Variants in SFTPA1 observed in about 807,000 individuals in gnomAD.
SFTPA1 encodes the protein pulmonary surfactant-associated protein A1.
In SFTPA1, 13 loss-of-function variants were observed where a neutral mutation model predicts 19.1. That is an observed-to-expected ratio of 0.68 (90% confidence interval 0.44 to 1.08). The LOEUF is 1.08. Ranked by LOEUF, SFTPA1 falls within the 50% of genes least tolerant of loss-of-function variation. The pLI, the probability that SFTPA1 is intolerant of heterozygous loss-of-function variation, is 0.00. For missense variants in SFTPA1, 259 were observed against 316.4 expected (o/e 0.82, Z 1.38); for synonymous variants, 101 against 117.0 (o/e 0.86, Z 0.88).
In SFTPA1 at chr10:79,614,393, T is replaced by C; in HGVS notation, c.*280T>C. The C allele has an allele frequency of 1.8e-6, 1 of 542,786 alleles. No homozygotes were observed. The highest frequency in any genetic ancestry group is 2.1e-5 in the South Asian group (1 of 46,918). 33.6% of individuals were successfully genotyped at this position (542,786 alleles called of 1,614,324 possible). The stretch of plus-strand genomic sequence containing the variant: ...CTTCGACATGAGATGGAGCCCTCCT[T>C]ATTCCCCATCTGGTCCAGTTCCTTC... On this transcript the variant is annotated 3_prime_UTR_variant, in exon 6 of 6. Transcript: ENST00000398636.
At position 79,613,944 on chromosome 10, in the gene SFTPA1, C is replaced by T. The variant is rs1217057329; in HGVS notation, c.578C>T (p.Pro193Leu). 1 of 1,613,978 alleles carries T rather than the reference C, an allele frequency of 6.2e-7. No individual in the cohort carries two copies. Among genetic ancestry groups the T allele is most frequent in the East Asian group, 2.2e-5 (1 of 44,894 alleles). The change falls in exon 6 of 6, where the codon CCC (proline) becomes CTC (leucine). Residue 193 changes from proline (P) to leucine (L), a missense_variant. By Grantham distance (98) the Pro-to-Leu change is moderately conservative. Transcript: ENST00000398636. ...TYAYVGLTEG[P>L]SPGDFRYSDG... ...GCCTATGTAGGCCTGACTGAGGGTC[C>T]CAGCCCTGGAGACTTCCGCTACTCA...
intron 2 of SFTPA1, 41 bp from the exon 3 acceptor site, chr10:79,611,762 G>T: frequency 6.2e-7 from 1 of 1,613,586 alleles, no homozygotes; most frequent in Non-Finnish European, 8.5e-7. Context: ...GGGAGATGTT[G>T]GCAGAGGTGG....
In SFTPA1 at chr10:79,614,992, G is replaced by T. The variant is rs912118720; in HGVS notation, c.*879G>T. ...CACGTGCCAGGTCTTAGGATATGTC[G>T]TGGGGTGGGCAAGGTAATCAGTGAC... On this transcript the variant is annotated 3_prime_UTR_variant, in exon 6 of 6. Transcript: ENST00000398636. 3.1e-6 allele frequency: 4 copies of T among 1,304,730 alleles called. No homozygotes were observed. In the African/African-American group the frequency reaches 6.1e-5, roughly 20 times the overall value. The allele number at this position is 1,304,730 out of a possible 1,614,324, so 80.8% of individuals were successfully genotyped here.
In SFTPA1 at chr10:79,614,915, T is replaced by G; in HGVS notation, c.*802T>G. 3 of 1,152,544 alleles carry G rather than the reference T, an allele frequency of 2.6e-6. No homozygotes were observed. The highest frequency in any genetic ancestry group is 3.5e-6 in the Non-Finnish European group (3 of 863,584). 71.4% of individuals were successfully genotyped at this position (1,152,544 alleles called of 1,614,324 possible). A position where few individuals can be genotyped will look rare whatever the true frequency, so the allele number is the denominator to read the frequency against. The stretch of plus-strand genomic sequence containing the variant: ...TCACACCACCCCCCACACCACTGGC[T>G]CTGCTTTCTCCTTTCATTAATCCAT... On this transcript the variant is annotated 3_prime_UTR_variant, in exon 6 of 6. Transcript: ENST00000398636.
Position 79,614,113 on chromosome 10 carries a change from A to G in SFTPA1, c.747A>G (p.Ter249TrpextTer52). 2 of 1,614,204 alleles carry G rather than the reference A, an allele frequency of 1.2e-6. No homozygotes were observed. Among genetic ancestry groups the G allele is most frequent in the Non-Finnish European group, 8.5e-7 (1 of 1,180,028 alleles). The change falls in exon 6 of 6, where the codon TGA (stop) becomes TGG (tryptophan). Residue 249 changes from the stop codon to tryptophan, a stop_lost. Transcript: ENST00000398636. ...CCCGACTGACCATCTGTGAGTTCTG[A>G]GAGGCATTTAGGCCATGGGACAGGG... ...LYSRLTICEF[*>W]
rs972759234 is a variant in SFTPA1, at chr10:79,614,780, A to G, written c.*667A>G. The G allele has an allele frequency of 1.4e-5, 5 of 348,362 alleles. No homozygotes were observed. The highest frequency in any genetic ancestry group is 2.9e-5 in the Non-Finnish European group (5 of 171,248). The allele number at this position is 348,362 out of a possible 1,614,324, so 21.6% of individuals were successfully genotyped here. A position where few individuals can be genotyped will look rare whatever the true frequency, so the allele number is the denominator to read the frequency against. ...ATGGCAACTCAGCCCCCTGACCTGA[A>G]GACAGCCAGCCTAGGCCTCTAGGGT... On this transcript the variant is annotated 3_prime_UTR_variant, in exon 6 of 6. Coordinates refer to ENST00000398636, the MANE Select transcript of SFTPA1 (RefSeq NM_005411.5).
rs1298573049 is a variant in SFTPA1 at position 79,615,099 on chromosome 10, C to A, written c.*986C>A. 7.7e-7 allele frequency: 1 copy of A among 1,304,446 alleles called. No homozygotes were observed. The highest frequency in any genetic ancestry group is 1.0e-6 in the Non-Finnish European group (1 of 988,556). The allele number at this position is 1,304,446 out of a possible 1,614,324, so 80.8% of individuals were successfully genotyped here. On this transcript the variant is annotated 3_prime_UTR_variant, in exon 6 of 6. Transcript: ENST00000398636. ...ATACTTGTTGCTGTCACAGTTATTA[C>A]CATCCCCCCAGCTACCAAAATTACT...
At chr10:79,612,468 G>A in intron 4 of SFTPA1, 37 bp downstream of exon 4, 1 of 1,603,144 alleles carries the variant, frequency 6.2e-7, no homozygotes, top group South Asian at 1.1e-5. Flanking sequence ...TGGAAACATG[G>A]GCACAGCGAC....
At position 79,614,366 on chromosome 10, in the gene SFTPA1, G is replaced by T. The variant is rs148451636; in HGVS notation, c.*253G>T. On this transcript the variant is annotated 3_prime_UTR_variant, in exon 6 of 6. Transcript: ENST00000398636. ...CCCCAGGCAGCCACTCTTAGCCTTG[G>T]CCTTCGACATGAGATGGAGCCCTCC... 2.1e-5 allele frequency: 13 copies of T among 605,800 alleles called. No individual in the cohort carries two copies. The African/African-American group carries it at 2.2e-4, about 10-fold the overall frequency. 37.5% of individuals were successfully genotyped at this position (605,800 alleles called of 1,614,324 possible).
intron 4 of SFTPA1, among the ~76,000 whole-genome samples, chr10:79,612,903 AC>A (rs1859943836): frequency 9.3e-6 from 1 of 107,770 alleles, no homozygotes; most frequent in Non-Finnish European, 2.3e-5. Context: ...CGGGAGAGGG[AC>A]TTGCCCCACA....
In SFTPA1 at chr10:79,611,816, A is replaced by C; in HGVS notation, c.-10A>C. The stretch of plus-strand genomic sequence containing the variant: ...TCCCTCCTGCAGGAGCAGCGACTGG[A>C]CCCAGAGCCATGTGGCTGTGCCCTC... On this transcript the variant is annotated 5_prime_UTR_variant, in exon 3 of 6. Coordinates refer to ENST00000398636, the MANE Select transcript of SFTPA1 (RefSeq NM_005411.5). 1 of 1,613,990 alleles carries C rather than the reference A, an allele frequency of 6.2e-7. No homozygotes were observed.
rs986983069 is a variant in SFTPA1, at chr10:79,613,051, T to C, written c.293-138T>C. On this transcript the variant is annotated intron_variant, in intron 4 of 5. Coordinates refer to ENST00000398636, the MANE Select transcript of SFTPA1 (RefSeq NM_005411.5). ...ACACACTGGAATCTTGTGGACCCTC[T>C]GAGCCTAGGGTCTGGGTGGCGCCTA... The C allele has an allele frequency of 3.5e-5, 54 of 1,548,036 alleles. No individual in the cohort carries two copies. In the African/African-American group the frequency reaches 7.3e-4, roughly 21 times the overall value.
chr10:79,613,990 C>T lies in SFTPA1; in HGVS notation c.624C>T (p.Tyr208=), dbSNP rs1860020026. The change falls in exon 6 of 6, where the codon TAC becomes TAT. Residue 208 remains tyrosine (Y), a synonymous_variant. Coordinates refer to ENST00000398636, the MANE Select transcript of SFTPA1 (RefSeq NM_005411.5). ...FRYSDGTPVN[Y]TNWYRGEPAG... is the part of the protein sequence containing the mutation. ...ACTCAGACGGGACCCCTGTAAACTA[C>T]ACCAACTGGTACCGAGGGGAGCCCG... 1.9e-6 allele frequency: 3 copies of T among 1,614,246 alleles called. No homozygotes were observed. Among genetic ancestry groups the T allele is most frequent in the Non-Finnish European group, 2.5e-6 (3 of 1,180,040 alleles).
chr10:79,614,217 T>G lies in SFTPA1; in HGVS notation c.*104T>G, dbSNP rs1860036586. On this transcript the variant is annotated 3_prime_UTR_variant, in exon 6 of 6. Coordinates refer to ENST00000398636, the MANE Select transcript of SFTPA1 (RefSeq NM_005411.5). ...ATGCTAGAACTCCCTTTCAACAGAATTCACTTGTGGCTATTGGGACTGGAG... is the reference window on the plus strand; with the variant it reads ...ATGCTAGAACTCCCTTTCAACAGAAGTCACTTGTGGCTATTGGGACTGGAG... The G allele has an allele frequency of 6.3e-7, 1 of 1,593,472 alleles. No homozygotes were observed. The highest frequency in any genetic ancestry group is 2.2e-5 in the East Asian group (1 of 44,588).
chr10:79,613,880 G>T lies in SFTPA1; in HGVS notation c.514G>T (p.Glu172Ter). ...IAVPRNPEEN[E>*]AIASFVKKYN... is the part of the protein sequence containing the mutation. ...TGTCCCAAGGAATCCAGAGGAAAAT[G>T]AGGCCATTGCAAGCTTCGTGAAGAA... Residue 172 changes from glutamate (E) to a stop codon, truncating the protein, a stop_gained, in exon 6 of 6, where the codon GAG (glutamate) becomes TAG (stop). Transcript: ENST00000398636. LOFTEE classifies it high-confidence loss of function. 1 of 1,614,012 alleles carries T rather than the reference G, an allele frequency of 6.2e-7. No homozygotes were observed. The highest frequency in any genetic ancestry group is 2.2e-5 in the East Asian group (1 of 44,886).
chr10:79,612,613 T>A (rs542671732), intron 4 of SFTPA1, among the ~76,000 whole-genome samples, 182 bp downstream of exon 4: 1 of 152,116 alleles, frequency 6.6e-6, no homozygotes, highest in East Asian at 1.9e-4. Flanking sequence ...GTGGTCACAA[T>A]TCAGGGAAAG....
At chr10:79,612,594 C>T (rs1395981106) in intron 4 of SFTPA1, among the ~76,000 whole-genome samples, 163 bp downstream of exon 4, 1 of 152,102 alleles carries the variant, frequency 6.6e-6, no homozygotes, top group Non-Finnish European at 1.5e-5. Flanking sequence ...GCTGAGGTGT[C>T]TGGGGAGTGT....
rs980515719 is a variant in SFTPA1, at chr10:79,615,213, A to C, written c.*1100A>C. ...ACAAGCACTTCTAATACAGCATATT[A>C]TGTACTATTCAATCTTTACACAATG... is the stretch of plus-strand genomic sequence containing the variant. On this transcript the variant is annotated 3_prime_UTR_variant, in exon 6 of 6. Transcript: ENST00000398636. 1.0e-5 allele frequency: 6 copies of C among 584,810 alleles called. No individual in the cohort carries two copies. Among genetic ancestry groups the C allele is most frequent in the Non-Finnish European group, 1.6e-5 (6 of 373,362 alleles). 36.2% of individuals were successfully genotyped at this position (584,810 alleles called of 1,614,324 possible).
intron 3 of SFTPA1, 38 bp from the exon 4 acceptor site, chr10:79,612,274 T>C: frequency 6.2e-7 from 1 of 1,613,666 alleles, no homozygotes; most frequent in Non-Finnish European, 8.5e-7. Context: ...CAGTTGTGGG[T>C]GACAGATCCT....
Sources: allele counts gnomAD v4.1 joint callset (sites outside exome capture counted in the v4.1 genomes callset), GRCh38; gene constraint gnomAD v4.1.1; transcripts MANE v1.5; gene names NCBI Gene and HGNC (gene_info 2026-07-23, HGNC 2026-07-21).